Variants in PIP5K1B observed in about 807,000 individuals in gnomAD.
PIP5K1B encodes the protein phosphatidylinositol-4-phosphate 5-kinase type 1 beta.
A neutral mutation model predicts 67.0 loss-of-function variants in PIP5K1B; 42 were observed. That is an observed-to-expected ratio of 0.63 (90% CI 0.49 to 0.81). The LOEUF (loss-of-function observed/expected upper bound fraction) is 0.81. Ranked by LOEUF, PIP5K1B falls within the 30% of genes least tolerant of loss-of-function variation. The pLI, the probability that PIP5K1B is intolerant of heterozygous loss-of-function variation, is 0.00. For missense variants in PIP5K1B, 459 were observed against 646.3 expected (o/e 0.71, Z 3.14); for synonymous variants, 214 against 231.4 (o/e 0.92, Z 0.68).
intron 2 of PIP5K1B, among the ~76,000 whole-genome samples, chr9:68,811,439 C>G (rs575680451): frequency 6.6e-6 from 1 of 152,014 alleles, no homozygotes. Flanking sequence ...CAGGGATTGG[C>G]GGGTAGAAGG....
chr9:68,730,692 G>A (rs1828382217), intron 1 of PIP5K1B, among the ~76,000 whole-genome samples: 1 of 152,124 alleles, frequency 6.6e-6, no homozygotes, highest in Non-Finnish European at 1.5e-5. Flanking sequence ...ACTTTGACCT[G>A]GACTTTGTTG....
chr9:68,789,454 C>T, intron 2 of PIP5K1B: 1 of 503,722 alleles, frequency 2.0e-6, no homozygotes, highest in South Asian at 1.5e-5. Context: ...GGGAGACCTC[C>T]ATCTGGATCA....
chr9:68,706,745 T>C (rs1194096888), intron 1 of PIP5K1B, among the ~76,000 whole-genome samples: 1 of 152,074 alleles, frequency 6.6e-6, no homozygotes, highest in Non-Finnish European at 1.5e-5. Context: ...GACCTCAGAA[T>C]GTGTTAATCT....
At chr9:68,863,752 A>G in intron 4 of PIP5K1B, 85 bp from the exon 5 acceptor site, 3 of 1,142,106 alleles carry the variant, frequency 2.6e-6, no homozygotes, top group Non-Finnish European at 3.7e-6. Flanking sequence ...AAGAGAATTG[A>G]ACCTCACTCA....
At chr9:68,997,547 GC>G (rs1210554381) in intron 15 of PIP5K1B, among the ~76,000 whole-genome samples, 1 of 152,156 alleles carries the variant, frequency 6.6e-6, no homozygotes, top group Non-Finnish European at 1.5e-5. Context: ...TTGACCAGAA[GC>G]CCCTTTCCTT....
At chr9:68,921,027 A>G (rs1826372047) in intron 11 of PIP5K1B, among the ~76,000 whole-genome samples, 1 of 152,202 alleles carries the variant, frequency 6.6e-6, no homozygotes, top group African/African-American at 2.4e-5. Context: ...CTTTCTTGGA[A>G]AGGAGCCCAT....
chr9:68,780,075 T>TGGCGGCGGC (rs1831155598), intron 2 of PIP5K1B: 4 of 1,427,942 alleles, frequency 2.8e-6, no homozygotes, highest in African/African-American at 3.0e-5. Flanking sequence ...AGATTCTCGG[T>TGGCGGCGGC]GGCGGCGGCA....
chr9:68,748,176 G>A (rs193089818), intron 2 of PIP5K1B, among the ~76,000 whole-genome samples: 2 of 152,288 alleles, frequency 1.3e-5, no homozygotes, highest in East Asian at 1.9e-4. Flanking sequence ...TTCACTTAGC[G>A]TAATGTGTTA....
Position 68,733,627 on chromosome 9 carries a change from C to CT in PIP5K1B, c.-242-8844dup, listed in dbSNP as rs35759487. Among the ~76,000 whole-genome samples the CT allele has an allele frequency of 4.8e-4, 27 of 56,520 alleles. 2 individuals are homozygous for CT. The highest frequency in any genetic ancestry group is 1.7e-3 in the East Asian group (3 of 1,728). The allele number at this position is 56,520 out of a possible 152,430, so 37.1% of individuals were successfully genotyped here. A position where few individuals can be genotyped will look rare whatever the true frequency, so the allele number is the denominator to read the frequency against. On this transcript the variant is annotated intron_variant, in intron 1 of 15. Transcript: ENST00000265382. ...CCCCACTTATTGAAATACTTAGACT[C>CT]TTTTTTTTTTTTTTTTTTTTTTTTT...
At chr9:68,897,880 C>T (rs890096471) in intron 8 of PIP5K1B, among the ~76,000 whole-genome samples, 5 of 152,108 alleles carry the variant, frequency 3.3e-5, no homozygotes, top group Admixed American at 6.5e-5. Context: ...GAGTGCTGGC[C>T]GGAAGGGCCA....
intron 2 of PIP5K1B, among the ~76,000 whole-genome samples, chr9:68,748,499 A>G (rs544509484): frequency 6.6e-6 from 1 of 152,262 alleles, no homozygotes; most frequent in East Asian, 1.9e-4. Context: ...TCAGACACTC[A>G]TATCATGAAA....
intron 2 of PIP5K1B, among the ~76,000 whole-genome samples, chr9:68,814,007 C>T (rs1203809412): frequency 7.2e-5 from 11 of 152,242 alleles, no homozygotes; most frequent in Admixed American, 1.3e-4. Flanking sequence ...TGAGGGAAGG[C>T]GCACAAAATG....
chr9:69,000,884 G>A (rs571382219), intron 15 of PIP5K1B, among the ~76,000 whole-genome samples: 2 of 145,486 alleles, frequency 1.4e-5, no homozygotes, highest in Admixed American at 1.5e-4. Flanking sequence ...AAGGCTTGAT[G>A]GGAGCACAAC....
intron 6 of PIP5K1B, among the ~76,000 whole-genome samples, chr9:68,884,743 A>G (rs1445821827): frequency 3.3e-5 from 5 of 152,186 alleles, no homozygotes; most frequent in African/African-American, 7.2e-5. Flanking sequence ...TCATGAGAGA[A>G]AACCACAATG....
intron 6 of PIP5K1B, among the ~76,000 whole-genome samples, chr9:68,878,895 C>T (rs924411472): frequency 4.6e-5 from 7 of 152,034 alleles, no homozygotes; most frequent in Non-Finnish European, 1.5e-5. Flanking sequence ...GATGGATGCT[C>T]AGGGGGTGAA....
intron 12 of PIP5K1B, among the ~76,000 whole-genome samples, chr9:68,932,622 A>G (rs1304111360): frequency 6.6e-6 from 1 of 152,230 alleles, no homozygotes; most frequent in Non-Finnish European, 1.5e-5. Context: ...TCTGAATTCA[A>G]TATGTGGTGA....
chr9:68,963,438 G>C, intron 14 of PIP5K1B: 2 of 280,592 alleles, frequency 7.1e-6, no homozygotes, highest in South Asian at 6.7e-5. Context: ...AGGAGGTGGA[G>C]GTTGCAGTGA....
chr9:68,854,027 T>TTTATTATTATTA (rs67326015), intron 4 of PIP5K1B, among the ~76,000 whole-genome samples: 7 of 147,872 alleles, frequency 4.7e-5, no homozygotes, highest in Non-Finnish European at 1.0e-4. Flanking sequence ...TATATAAGTT[T>TTTATTATTATTA]TTATTATTAT....
At chr9:68,858,450 A>G (rs972975248) in intron 4 of PIP5K1B, among the ~76,000 whole-genome samples, 1 of 152,218 alleles carries the variant, frequency 6.6e-6, no homozygotes, top group African/African-American at 2.4e-5. Flanking sequence ...AATGCACACA[A>G]GCAAAAATTT....
Sources: gnomAD v4.1 joint callset for allele counts (sites outside exome capture counted in the v4.1 genomes callset) on GRCh38, gnomAD v4.1.1 for gene constraint, MANE v1.5 for transcripts, NCBI Gene and HGNC (gene_info 2026-07-23, HGNC 2026-07-21) for gene names.